Variants in AGBL4 observed in about 807,000 individuals in gnomAD.
AGBL4 encodes cytosolic carboxypeptidase 6.
AGBL4 carries 58 observed loss-of-function variants against 66.4 expected under a neutral mutation model. The ratio of observed to expected loss-of-function variants is 0.87; its 90% confidence interval spans 0.71 to 1.09. The LOEUF is 1.09. AGBL4 is among the 50% of genes least tolerant of loss of function. AGBL4 has a pLI of 0.00. For missense variants in AGBL4, 579 were observed against 631.0 expected, an observed-to-expected ratio of 0.92 and a Z score of 0.88; for synonymous variants, 234 against 222.9, an observed-to-expected ratio of 1.05 and a Z score of -0.44.
chr1:49,848,458 A>C (rs1218515759), intron 2 of AGBL4, among the ~76,000 whole-genome samples: 1 of 152,250 alleles, frequency 6.6e-6, no homozygotes, highest in Non-Finnish European at 1.5e-5. Flanking sequence ...AGAACATGTG[A>C]TATACAATGG....
intron 6 of AGBL4, among the ~76,000 whole-genome samples, chr1:48,686,032 T>G (rs999557974): frequency 1.3e-5 from 2 of 152,226 alleles, no homozygotes; most frequent in African/African-American, 2.4e-5. Flanking sequence ...TTGACTTTTA[T>G]GTAACTGTTT....
At chr1:49,944,322 G>C (rs1330256936) in intron 1 of AGBL4, among the ~76,000 whole-genome samples, 1 of 152,096 alleles carries the variant, frequency 6.6e-6, no homozygotes, top group Non-Finnish European at 1.5e-5. Flanking sequence ...ATCTTCACCA[G>C]AGCAGATGGT....
In AGBL4 at chr1:49,117,352, G is replaced by A. The variant is rs535779276; in HGVS notation, c.378-71552C>T. 1.1e-3 allele frequency among the ~76,000 whole-genome samples: 167 copies of A among 152,164 alleles called. 1 individual carries two copies. The highest frequency in any genetic ancestry group is 3.8e-3 in the African/African-American group (158 of 41,506). On this transcript the variant is annotated intron_variant, in intron 4 of 13. Coordinates refer to ENST00000371839, the MANE Select transcript of AGBL4 (RefSeq NM_032785.4). ...TTCTTCTAGGGTTTTTATGGTTTTC[G>A]ATCTAACATTTAAGTCTTCAATCCA...
intron 1 of AGBL4, among the ~76,000 whole-genome samples, chr1:49,988,834 G>T (rs1659708999): frequency 6.6e-6 from 1 of 152,112 alleles, no homozygotes; most frequent in Non-Finnish European, 1.5e-5. Context: ...GTAACTGCAA[G>T]AGGATTAATA....
Position 48,724,076 on chromosome 1 carries a change from C to G in AGBL4, c.635-60835G>C, listed in dbSNP as rs186326749. 1.2e-4 allele frequency among the ~76,000 whole-genome samples: 18 copies of G among 152,198 alleles called. No individual in the cohort carries two copies. The East Asian group carries it at 3.3e-3, about 28-fold the overall frequency. ...GTATGAAAGCCAAGGTCACTGCATA[C>G]GGGGTCAGCAGGTTAGGAGGAGCAC... On this transcript the variant is annotated intron_variant, in intron 6 of 13. Coordinates refer to ENST00000371839, the MANE Select transcript of AGBL4 (RefSeq NM_032785.4).
intron 5 of AGBL4, among the ~76,000 whole-genome samples, chr1:49,030,305 C>T (rs938094163): frequency 1.3e-5 from 2 of 152,102 alleles, no homozygotes; most frequent in African/African-American, 4.8e-5. Flanking sequence ...CTGCTCTCTG[C>T]CATGTGGATA....
chr1:49,452,944 C>T (rs1352030638), intron 3 of AGBL4, among the ~76,000 whole-genome samples: 2 of 151,900 alleles, frequency 1.3e-5, no homozygotes, highest in Non-Finnish European at 2.9e-5. Flanking sequence ...TTTACCATCC[C>T]TTCTGCCACT....
At chr1:49,643,676 T>C (rs1430646904) in intron 3 of AGBL4, among the ~76,000 whole-genome samples, 1 of 151,666 alleles carries the variant, frequency 6.6e-6, no homozygotes, top group East Asian at 1.9e-4. Flanking sequence ...AGTGCAACAG[T>C]ATCTTTAAAA....
At chr1:48,525,326 C>T in the AGBL4 span, among the ~76,000 whole-genome samples, 1 of 152,252 alleles carries the variant, frequency 6.6e-6, no homozygotes, top group East Asian at 1.9e-4. Flanking sequence ...CCAGGAAAGA[C>T]TTCCTGAAGG....
chr1:49,000,342 CT>C (rs1661310685), intron 5 of AGBL4, among the ~76,000 whole-genome samples: 1 of 152,112 alleles, frequency 6.6e-6, no homozygotes, highest in African/African-American at 2.4e-5. Flanking sequence ...ATGTATATGA[CT>C]GCACATGTCA....
intron 5 of AGBL4, among the ~76,000 whole-genome samples, chr1:49,021,862 A>G (rs1557568823): frequency 6.6e-6 from 1 of 152,120 alleles, no homozygotes; most frequent in African/African-American, 2.4e-5. Context: ...TAGAAGACTT[A>G]TATTTCAGGG....
At chr1:49,442,881 T>G (rs1324819974) in intron 3 of AGBL4, among the ~76,000 whole-genome samples, 2 of 152,200 alleles carry the variant, frequency 1.3e-5, no homozygotes, top group East Asian at 3.8e-4. Flanking sequence ...GTGGCTATAG[T>G]AATTTACATT....
intron 8 of AGBL4, among the ~76,000 whole-genome samples, chr1:48,635,459 G>C (rs1042261145): frequency 6.6e-6 from 1 of 152,238 alleles, no homozygotes; most frequent in Non-Finnish European, 1.5e-5. Context: ...TCCACATTCA[G>C]ATTTTCACTA....
intron 4 of AGBL4, among the ~76,000 whole-genome samples, chr1:49,184,020 A>G (rs761552397): frequency 4.6e-5 from 7 of 152,196 alleles, no homozygotes; most frequent in South Asian, 2.1e-4. Context: ...AGGTTTCTCA[A>G]GGCTGGGACT....
intron 3 of AGBL4, among the ~76,000 whole-genome samples, chr1:49,559,235 G>A (rs888315819): frequency 2.0e-5 from 3 of 152,202 alleles, no homozygotes; most frequent in Admixed American, 6.5e-5. Context: ...AAAGAGATAC[G>A]GTTTCTTTTG....
chr1:49,662,323 G>T (rs1368514657), intron 3 of AGBL4, among the ~76,000 whole-genome samples: 1 of 151,606 alleles, frequency 6.6e-6, no homozygotes, highest in Non-Finnish European at 1.5e-5. Flanking sequence ...GAAATATTTG[G>T]ATTTAAAACA....
At chr1:48,732,662 T>C (rs1648332786) in intron 6 of AGBL4, among the ~76,000 whole-genome samples, 1 of 152,026 alleles carries the variant, frequency 6.6e-6, no homozygotes, top group South Asian at 2.1e-4. Context: ...CCTCCAGGGC[T>C]ACAGCACAAT....
At chr1:50,001,265 C>T (rs190926046) in intron 1 of AGBL4, among the ~76,000 whole-genome samples, 469 of 150,594 alleles carry the variant, frequency 3.1e-3, no homozygotes, top group African/African-American at 4.7e-3. Flanking sequence ...GGCAAATACA[C>T]GTGATATATT....
At chr1:49,278,809 T>TA (rs1644221990) in intron 3 of AGBL4, among the ~76,000 whole-genome samples, 1 of 152,136 alleles carries the variant, frequency 6.6e-6, no homozygotes, top group Non-Finnish European at 1.5e-5. Flanking sequence ...ATTTATTTAT[T>TA]AAAAACCAAA....
Sources: allele counts gnomAD v4.1 joint callset (sites outside exome capture counted in the v4.1 genomes callset), GRCh38; gene constraint gnomAD v4.1.1; transcripts MANE v1.5; gene names NCBI Gene and HGNC (gene_info 2026-07-23, HGNC 2026-07-21).